The following TSPAN9 variants were observed in gnomAD, a reference collection of about 807,000 sequenced individuals.
TSPAN9 encodes the protein tetraspanin 9.
TSPAN9 carries 16 observed loss-of-function variants against 31.0 expected under a neutral mutation model. The observed-to-expected ratio is 0.52, with a 90% CI of 0.35 to 0.78. TSPAN9 has a LOEUF of 0.78. TSPAN9 is among the 30% of genes least tolerant of loss of function. The pLI is 0.01. For synonymous variants in TSPAN9, 145 were observed against 121.6 expected, an observed-to-expected ratio of 1.19 and a Z score of -1.27; for missense variants, 272 against 312.5, an observed-to-expected ratio of 0.87 and a Z score of 0.98.
At chr12:3,243,385 T>C (rs994680659) in intron 3 of TSPAN9, among the ~76,000 whole-genome samples, 14 of 152,082 alleles carry the variant, frequency 9.2e-5, no homozygotes, top group African/African-American at 2.7e-4. Context: ...TTTTAACTTA[T>C]GTTTTGCACA....
chr12:3,111,299 T>A (rs957331017), intron 2 of TSPAN9, among the ~76,000 whole-genome samples: 13 of 152,298 alleles, frequency 8.5e-5, no homozygotes, highest in African/African-American at 2.9e-4. Flanking sequence ...TTCGCCAGCC[T>A]CCTTTGACAT....
At position 3,240,706 on chromosome 12, in the gene TSPAN9, C is replaced by T. The variant is rs540001216; in HGVS notation, c.64-37715C>T. ...TCTATGATCCTTACACTACACCAGCCTGTCTCTGCTGCACTGTGGTGTTAA... is the reference window on the plus strand; with the variant it reads ...TCTATGATCCTTACACTACACCAGCTTGTCTCTGCTGCACTGTGGTGTTAA... On this transcript the variant is annotated intron_variant, in intron 3 of 8. Transcript: ENST00000011898. Among the ~76,000 whole-genome samples the T allele has an allele frequency of 3.9e-4, 60 of 152,282 alleles. No individual in the cohort carries two copies. In the Middle Eastern group the frequency reaches 0.01, roughly 26 times the overall value.
At chr12:3,198,232 A>G (rs528278836) in intron 2 of TSPAN9, among the ~76,000 whole-genome samples, 1 of 100,130 alleles carries the variant, frequency 1.0e-5, no homozygotes, top group East Asian at 3.1e-4. Flanking sequence ...GGTCACCACC[A>G]GCACAGGTCA....
At chr12:3,109,169 C>T (rs577910305) in intron 2 of TSPAN9, among the ~76,000 whole-genome samples, 50 of 151,898 alleles carry the variant, frequency 3.3e-4, no homozygotes, top group Admixed American at 2.7e-3. Flanking sequence ...ATCTCCTGAC[C>T]TCGTGATCCG....
chr12:3,129,987 G>A (rs668938), intron 2 of TSPAN9, among the ~76,000 whole-genome samples: 28,369 of 152,166 alleles, frequency 0.19, 2,796 homozygotes, highest in South Asian at 0.24. Flanking sequence ...GGTCTTCTTT[G>A]ATCCCTCCCT....
intron 2 of TSPAN9, chr12:3,173,804 T>C (rs1591659799): frequency 6.6e-6 from 1 of 152,334 alleles, no homozygotes; most frequent in East Asian, 1.9e-4. Flanking sequence ...CTGCCGTTTG[T>C]TTAAAGATCT....
intron 2 of TSPAN9, among the ~76,000 whole-genome samples, chr12:3,183,516 T>G (rs1051402686): frequency 6.6e-6 from 1 of 152,068 alleles, no homozygotes; most frequent in African/African-American, 2.4e-5. Flanking sequence ...AGCTGCTGCT[T>G]GGTTAGTGAA....
At chr12:3,101,137 GA>G (rs1439128465) in intron 2 of TSPAN9, among the ~76,000 whole-genome samples, 3 of 152,164 alleles carry the variant, frequency 2.0e-5, no homozygotes, top group African/African-American at 7.2e-5. Flanking sequence ...AAGGATTTGG[GA>G]ATGTTCATTC....
At chr12:3,209,605 C>T (rs1320117227) in intron 3 of TSPAN9, among the ~76,000 whole-genome samples, 1 of 152,132 alleles carries the variant, frequency 6.6e-6, no homozygotes, top group African/African-American at 2.4e-5. Flanking sequence ...CTCAGCTGTA[C>T]CTGAGTGAGT....
chr12:3,167,092 C>T (rs535425186), intron 2 of TSPAN9, among the ~76,000 whole-genome samples: 6 of 152,300 alleles, frequency 3.9e-5, no homozygotes, highest in Admixed American at 1.3e-4. Context: ...CCACCACGCC[C>T]GGCCCATAGA....
At chr12:3,189,007 G>A (rs946675277) in intron 2 of TSPAN9, among the ~76,000 whole-genome samples, 2 of 152,190 alleles carry the variant, frequency 1.3e-5, no homozygotes, top group African/African-American at 2.4e-5. Flanking sequence ...GCAGAGGAGC[G>A]CGGGTGAGCT....
Position 3,208,216 on chromosome 12 carries a change from C to T in TSPAN9, c.63+6960C>T, listed in dbSNP as rs569957513. Reference sequence around the variant, plus strand: ...GCTTGGATGACAATGCCAGGAAGGGCGGTTGGAGCCCTGGGAGGATCCCCA... The same window carrying T: ...GCTTGGATGACAATGCCAGGAAGGGTGGTTGGAGCCCTGGGAGGATCCCCA... On this transcript the variant is annotated intron_variant, in intron 3 of 8. Transcript: ENST00000011898. Among the ~76,000 whole-genome samples, 14 of 152,240 alleles carry T rather than the reference C, an allele frequency of 9.2e-5. No individual in the cohort carries two copies. In the East Asian group the frequency reaches 9.7e-4, roughly 11 times the overall value.
intron 3 of TSPAN9, among the ~76,000 whole-genome samples, chr12:3,220,013 C>T (rs2098383495): frequency 6.6e-6 from 1 of 151,594 alleles, no homozygotes; most frequent in African/African-American, 2.4e-5. Flanking sequence ...AAAGTAGTGG[C>T]GCATGCTTGT....
At chr12:3,108,221 A>G (rs1053592085) in intron 2 of TSPAN9, among the ~76,000 whole-genome samples, 22 of 152,202 alleles carry the variant, frequency 1.4e-4, no homozygotes, top group Admixed American at 8.5e-4. Flanking sequence ...TATCACAGGG[A>G]CAGTGCAATG....
intron 3 of TSPAN9, among the ~76,000 whole-genome samples, chr12:3,214,312 CAT>C (rs2098380250): frequency 1.3e-5 from 2 of 152,214 alleles, no homozygotes; most frequent in African/African-American, 4.8e-5. Context: ...TCTTCTGTCT[CAT>C]AGGTGGTGAC....
Position 3,281,258 on chromosome 12 carries a change from G to A in TSPAN9, c.493G>A (p.Val165Ile). 6.4e-7 allele frequency: 1 copy of A among 1,551,302 alleles called. No homozygotes were observed. Among genetic ancestry groups the A allele is most frequent in the Non-Finnish European group, 8.7e-7 (1 of 1,146,962 alleles). ...DWYPVLGENTVPDRCCMENSQ... is the reference protein window; with the variant it reads ...DWYPVLGENTIPDRCCMENSQ... ...GTACCCAGTGCTGGGGGAGAACACG[G>A]TTCCCGACCGCTGCTGCATGGAGAA... The change falls in exon 7 of 9, where the codon GTT becomes ATT. Residue 165 changes from valine to isoleucine, a missense_variant. Coordinates refer to ENST00000011898, the MANE Select transcript of TSPAN9 (RefSeq NM_006675.5).
At chr12:3,159,229 G>A (rs2098343836) in intron 2 of TSPAN9, among the ~76,000 whole-genome samples, 1 of 151,556 alleles carries the variant, frequency 6.6e-6, no homozygotes, top group South Asian at 2.1e-4. Context: ...GAGAGCAGGA[G>A]CCGTGGCTTC....
At chr12:3,079,258 C>T (rs977307624) in intron 1 of TSPAN9, among the ~76,000 whole-genome samples, 2 of 152,092 alleles carry the variant, frequency 1.3e-5, no homozygotes, top group East Asian at 1.9e-4. Context: ...GGATTATAGG[C>T]GTGAGCCACC....
intron 3 of TSPAN9, among the ~76,000 whole-genome samples, chr12:3,268,418 G>A (rs1469634213): frequency 1.3e-4 from 9 of 69,168 alleles, no homozygotes; most frequent in African/African-American, 4.6e-4. Context: ...CCTGCCCTCC[G>A]TGCGTTCCTG....
Sources: gnomAD v4.1 joint callset for allele counts (sites outside exome capture counted in the v4.1 genomes callset) on GRCh38, gnomAD v4.1.1 for gene constraint, MANE v1.5 for transcripts, NCBI Gene and HGNC (gene_info 2026-07-23, HGNC 2026-07-21) for gene names.